SMARCAL1: variants seen among roughly 807,000 people sequenced by gnomAD.
The protein encoded by SMARCAL1 is SNF2 related chromatin remodeling annealing helicase 1, also known as ATP-driven annealing helicase.
Under a neutral mutation model 94.5 loss-of-function variants are expected in SMARCAL1, and 58 were observed. The ratio of observed to expected loss-of-function variants is 0.61; its 90% CI spans 0.50 to 0.76. The LOEUF is 0.76. Ranked by LOEUF, SMARCAL1 falls within the 30% of genes least tolerant of loss-of-function variation. The pLI, the probability that SMARCAL1 is intolerant of heterozygous loss-of-function variation, is 0.00. For missense variants in SMARCAL1, 1,051 were observed against 1,177.9 expected (o/e 0.89, Z 1.58); for synonymous variants, 422 against 455.1 (o/e 0.93, Z 0.93).
intron 4 of SMARCAL1, among the ~76,000 whole-genome samples, chr2:216,417,844 T>A (rs184768362): frequency 6.3e-4 from 96 of 152,376 alleles, no homozygotes; most frequent in Admixed American, 1.8e-3. Context: ...TTTGTCTTTT[T>A]ACTCTTGTTC....
In SMARCAL1 at chr2:216,435,690, A is replaced by G. The variant is rs552683633; in HGVS notation, c.1644+194A>G. Among the ~76,000 whole-genome samples, 6 of 152,270 alleles carry G rather than the reference A, an allele frequency of 3.9e-5. No homozygotes were observed. The East Asian group carries it at 1.2e-3, about 29-fold the overall frequency. ...TAGCCATTCTCAACTCTGGCTACGT[A>G]CTAGAATCTCTTAGGGAGCTTTTTT... On this transcript the variant is annotated intron_variant, in intron 9 of 17. Coordinates refer to ENST00000357276, the MANE Select transcript of SMARCAL1 (RefSeq NM_014140.4).
At chr2:216,431,235 C>T (rs994160356) in intron 7 of SMARCAL1, among the ~76,000 whole-genome samples, 1 of 152,144 alleles carries the variant, frequency 6.6e-6, no homozygotes, top group African/African-American at 2.4e-5. Flanking sequence ...CAAGTGCAGC[C>T]TAGACTTCTT....
intron 10 of SMARCAL1, among the ~76,000 whole-genome samples, chr2:216,439,491 G>T (rs1694152594): frequency 6.6e-6 from 1 of 152,134 alleles, no homozygotes; most frequent in East Asian, 1.9e-4. Context: ...TGTTTTTCTT[G>T]TGCTCAAAGC....
rs1465106642 is a variant in SMARCAL1, at chr2:216,415,121, G to T, written c.417G>T (p.Leu139Phe). The change falls in exon 3 of 18, where the codon TTG becomes TTT. Residue 139 changes from leucine to phenylalanine, a missense_variant. By Grantham distance (22) the Leu-to-Phe change is conservative. Coordinates refer to ENST00000357276, the MANE Select transcript of SMARCAL1 (RefSeq NM_014140.4). ...CAGAGGTCCCTAAACAACAGCTCTT[G>T]AGTTATGAGTTAGGTCAAGGTCATG... ...SPPEVPKQQL[L>F]SYELGQGHAQ... 6.2e-7 allele frequency: 1 copy of T among 1,613,482 alleles called. No individual in the cohort carries two copies. The highest frequency in any genetic ancestry group is 1.7e-5 in the Admixed American group (1 of 59,932).
chr2:216,444,570 A>G (rs1305988331), intron 10 of SMARCAL1, among the ~76,000 whole-genome samples: 1 of 152,044 alleles, frequency 6.6e-6, no homozygotes, highest in East Asian at 1.9e-4. Flanking sequence ...CTGGAGTGCA[A>G]TGGTATGATC....
chr2:216,430,993 C>T (rs563686648), intron 7 of SMARCAL1, among the ~76,000 whole-genome samples: 1 of 152,364 alleles, frequency 6.6e-6, no homozygotes, highest in South Asian at 2.1e-4. Context: ...GGTGAGGCAG[C>T]CCACTGCTCG....
At chr2:216,446,968 C>T (rs1377209934) in intron 10 of SMARCAL1, 50 bp from the exon 11 acceptor site, 6 of 1,612,412 alleles carry the variant, frequency 3.7e-6, no homozygotes, top group Non-Finnish European at 5.1e-6. Flanking sequence ...TGAACATTTC[C>T]TGTGTGCTCC....
Position 216,441,139 on chromosome 2 carries a change from C to T in SMARCAL1, c.1710+2654C>T, listed in dbSNP as rs1312969338. On this transcript the variant is annotated intron_variant, in intron 10 of 17. Coordinates refer to ENST00000357276, the MANE Select transcript of SMARCAL1 (RefSeq NM_014140.4). ...ATATTCTGATAATTAATATTACAAG[C>T]ATATTTTCAGCAAATAGGCATAATG... 3.3e-5 allele frequency among the ~76,000 whole-genome samples: 5 copies of T among 152,120 alleles called. No individual in the cohort carries two copies. The East Asian group carries it at 7.7e-4, about 23-fold the overall frequency.
intron 13 of SMARCAL1, among the ~76,000 whole-genome samples, chr2:216,466,820 T>A (rs1252405793): frequency 1.3e-5 from 2 of 152,246 alleles, no homozygotes; most frequent in Admixed American, 1.3e-4. Flanking sequence ...AAGTAAATTC[T>A]ATTAGTATCA....
intron 15 of SMARCAL1, among the ~76,000 whole-genome samples, chr2:216,476,513 A>G (rs1233437553): frequency 1.3e-5 from 2 of 152,086 alleles, no homozygotes; most frequent in Middle Eastern, 3.2e-3. Context: ...GGGTTTCACC[A>G]TGTTGCTCAA....
At chr2:216,454,815 A>G (rs1287045002) in intron 12 of SMARCAL1, among the ~76,000 whole-genome samples, 1 of 152,208 alleles carries the variant, frequency 6.6e-6, no homozygotes, top group Non-Finnish European at 1.5e-5. Flanking sequence ...CAACTGAGGT[A>G]CTGGGTTCAT....
chr2:216,452,033 T>C (rs1015950973), intron 12 of SMARCAL1, among the ~76,000 whole-genome samples: 1 of 152,206 alleles, frequency 6.6e-6, no homozygotes, highest in East Asian at 1.9e-4. Context: ...TTGATAACTT[T>C]TAAGAAATGA....
intron 12 of SMARCAL1, among the ~76,000 whole-genome samples, chr2:216,462,604 A>T (rs762153797): frequency 6.6e-6 from 1 of 152,172 alleles, no homozygotes; most frequent in Non-Finnish European, 1.5e-5. Context: ...AAAGGGATTT[A>T]CAGTCTAATC....
intron 12 of SMARCAL1, chr2:216,451,340 T>C: frequency 2.2e-6 from 1 of 457,862 alleles, no homozygotes; most frequent in Non-Finnish European, 4.0e-6. Context: ...GTGATCAATA[T>C]TCCGAATCCC....
chr2:216,440,787 TG>T (rs1286862428), intron 10 of SMARCAL1, among the ~76,000 whole-genome samples: 2 of 152,138 alleles, frequency 1.3e-5, no homozygotes, highest in African/African-American at 4.8e-5. Flanking sequence ...ACTCTGTTGT[TG>T]GGGGGCTGTT....
rs7589290 is a variant in SMARCAL1, at chr2:216,434,719, C to T, written c.1486-619C>T. Among the ~76,000 whole-genome samples, 218 of 151,988 alleles carry T rather than the reference C, an allele frequency of 1.4e-3. 1 individual carries two copies. The highest frequency in any genetic ancestry group is 5.1e-3 in the African/African-American group (210 of 41,462). On this transcript the variant is annotated intron_variant, in intron 8 of 17. Coordinates refer to ENST00000357276, the MANE Select transcript of SMARCAL1 (RefSeq NM_014140.4). ...AATTAGCCAAGTATGGTGGTGTGCA[C>T]CTGTAGTCCCAGCAACTTGGGAGGC...
chr2:216,415,344 G>T lies in SMARCAL1; in HGVS notation c.640G>T (p.Val214Leu). ...TTACATCCATTCTAGCTCAGAGAGT[G>T]TAACGCCCAGGACAGAAGGAAGACT... The part of the protein sequence containing the change: ...ISYIHSSSES[V>L]TPRTEGRLQQ... Residue 214 changes from valine to leucine, a missense_variant, in exon 3 of 18, where the codon GTA (valine) becomes TTA (leucine). Transcript: ENST00000357276. 6.2e-7 allele frequency: 1 copy of T among 1,614,248 alleles called. No individual in the cohort carries two copies. The highest frequency in any genetic ancestry group is 8.5e-7 in the Non-Finnish European group (1 of 1,180,038).
At chr2:216,424,800 A>G (rs1224079507) in intron 6 of SMARCAL1, among the ~76,000 whole-genome samples, 1 of 152,234 alleles carries the variant, frequency 6.6e-6, no homozygotes, top group Non-Finnish European at 1.5e-5. Context: ...ACGTTTGAAT[A>G]TGAGATGGTA....
At position 216,451,030 on chromosome 2, in the gene SMARCAL1, C is replaced by T; in HGVS notation, c.2036C>T (p.Ala679Val). The change falls in exon 12 of 18, where the codon GCT (alanine) becomes GTT (valine). Residue 679 changes from alanine (A) to valine (V), a missense_variant. Ala to Val is a moderately conservative substitution (Grantham distance 64). Transcript: ENST00000357276. ...GCCAGGACCAGAGCTGCCCTGGATG[C>T]TGCAGCCAAGGAAATGACCACCAAG... ...INARTRAALD[A>V]AAKEMTTKDK... 1 of 1,614,156 alleles carries T rather than the reference C, an allele frequency of 6.2e-7. No individual in the cohort carries two copies. Among genetic ancestry groups the T allele is most frequent in the Non-Finnish European group, 8.5e-7 (1 of 1,180,000 alleles).
Sources: allele counts gnomAD v4.1 joint callset (sites outside exome capture counted in the v4.1 genomes callset), GRCh38; gene constraint gnomAD v4.1.1; transcripts MANE v1.5; gene names NCBI Gene and HGNC (gene_info 2026-07-23, HGNC 2026-07-21).